HDAC9: variants seen among roughly 807,000 people sequenced by gnomAD.
The protein encoded by HDAC9 is histone deacetylase 9, also known as MEF-2 interacting transcription repressor (MITR) protein.
HDAC9 carries 41 observed loss-of-function variants against 139.4 expected under a neutral mutation model. The ratio of observed to expected loss-of-function variants is 0.29; its 90% CI spans 0.23 to 0.38. The LOEUF is 0.38. Ranked by LOEUF, HDAC9 falls within the 10% of genes least tolerant of loss-of-function variation. The pLI, the probability that HDAC9 is intolerant of heterozygous loss-of-function variation, is 1.00. For missense variants in HDAC9, 1,147 were observed against 1,297.0 expected (o/e 0.88, Z 1.78); for synonymous variants, 517 against 476.2 (o/e 1.09, Z -1.12).
In HDAC9 at chr7:18,518,385, T is replaced by C. The variant is rs561688733; in HGVS notation, c.22+22061T>C. 2.0e-5 allele frequency among the ~76,000 whole-genome samples: 3 copies of C among 152,330 alleles called. No individual in the cohort carries two copies. In the South Asian group the frequency reaches 6.2e-4, roughly 32 times the overall value. On this transcript the variant is annotated intron_variant, in intron 2 of 25. Transcript: ENST00000686413. The stretch of plus-strand genomic sequence containing the variant: ...ACAAATATATTTGTGTACATATGCA[T>C]TTTTGGGGAGAGACTGTCAATTCCA...
chr7:18,544,261 G>T (rs1269050013), intron 2 of HDAC9, among the ~76,000 whole-genome samples: 2 of 152,162 alleles, frequency 1.3e-5, no homozygotes, highest in Non-Finnish European at 2.9e-5. Flanking sequence ...AGATCTCATA[G>T]GTTTGGTATA....
intron 2 of HDAC9, among the ~76,000 whole-genome samples, chr7:18,533,622 A>G (rs1809814496): frequency 6.6e-6 from 1 of 152,112 alleles, no homozygotes; most frequent in Non-Finnish European, 1.5e-5. Flanking sequence ...CTGTGGTTCT[A>G]AAATTGTATA....
Position 18,350,235 on chromosome 7 carries a change from T to C in HDAC9, c.-42+59720T>C, listed in dbSNP as rs536399930. Among the ~76,000 whole-genome samples the C allele has an allele frequency of 6.6e-5, 10 of 152,292 alleles. No homozygotes were observed. The South Asian group carries it at 2.1e-3, about 32-fold the overall frequency. On this transcript the variant is annotated intron_variant, in intron 1 of 3. Transcript: ENST00000413509. ...TCTGAAAACATCATTTCATTGACTC[T>C]CAAGTAATGTTAATGCCAAGTTTTG...
chr7:18,614,560 T>C (rs1482680055), intron 6 of HDAC9, among the ~76,000 whole-genome samples: 1 of 152,150 alleles, frequency 6.6e-6, no homozygotes, highest in Non-Finnish European at 1.5e-5. Flanking sequence ...GCTTGGTAAA[T>C]ATTTGTTGAA....
At chr7:18,192,125 G>C (rs2529750) in intron 2 of HDAC9, among the ~76,000 whole-genome samples, 2 of 151,926 alleles carry the variant, frequency 1.3e-5, no homozygotes, top group Admixed American at 1.3e-4. Flanking sequence ...GCCGGGGGGC[G>C]GGGGGGTGTC....
intron 12 of HDAC9, among the ~76,000 whole-genome samples, chr7:18,706,352 C>T (rs1330024826): frequency 6.6e-6 from 1 of 151,868 alleles, no homozygotes; most frequent in African/African-American, 2.4e-5. Flanking sequence ...CAATACCTAC[C>T]ATGGATCAAG....
intron 22 of HDAC9, among the ~76,000 whole-genome samples, chr7:18,916,022 GAA>G (rs55866735): frequency 0.55 from 75,353 of 138,058 alleles, 20,563 homozygotes; most frequent in African/African-American, 0.64. Context: ...CCCCCCGCTG[GAA>G]AAAAAAAAAA....
chr7:18,431,149 A>G (rs1273303416), intron 1 of HDAC9, among the ~76,000 whole-genome samples: 1 of 152,142 alleles, frequency 6.6e-6, no homozygotes, highest in African/African-American at 2.4e-5. Flanking sequence ...ACTGTTCCAT[A>G]CAGTTTCTAT....
chr7:18,824,845 G>A (rs1240650860), intron 17 of HDAC9, among the ~76,000 whole-genome samples: 2 of 152,118 alleles, frequency 1.3e-5, no homozygotes, highest in African/African-American at 4.8e-5. Context: ...AATTCAAAAG[G>A]CAGGAATTCA....
At chr7:18,852,904 T>C (rs981304852) in intron 21 of HDAC9, among the ~76,000 whole-genome samples, 2 of 152,030 alleles carry the variant, frequency 1.3e-5, no homozygotes, top group Middle Eastern at 6.8e-3. Flanking sequence ...TTTAAAAATA[T>C]ATATAAGAAG....
chr7:18,458,530 G>T (rs536848899), intron 1 of HDAC9, among the ~76,000 whole-genome samples: 1 of 152,152 alleles, frequency 6.6e-6, no homozygotes, highest in Non-Finnish European at 1.5e-5. Flanking sequence ...GTCCTTTTAA[G>T]TACTGGATAA....
At chr7:18,238,300 A>G (rs1584784407) in intron 2 of HDAC9, among the ~76,000 whole-genome samples, 1 of 152,206 alleles carries the variant, frequency 6.6e-6, no homozygotes. Context: ...TCTCTAATTT[A>G]TAGATAAGTA....
chr7:18,230,124 A>G (rs973734181), intron 2 of HDAC9, among the ~76,000 whole-genome samples: 4 of 152,200 alleles, frequency 2.6e-5, no homozygotes, highest in Non-Finnish European at 4.4e-5. Flanking sequence ...ATACTGAGAA[A>G]AACATAGGAT....
intron 21 of HDAC9, among the ~76,000 whole-genome samples, chr7:18,852,054 G>T (rs1401862749): frequency 1.3e-5 from 2 of 152,186 alleles, no homozygotes; most frequent in African/African-American, 2.4e-5. Context: ...GTGCAGAAAT[G>T]GTACACCTCT....
intron 17 of HDAC9, among the ~76,000 whole-genome samples, chr7:18,828,047 G>A (rs942255282): frequency 6.6e-6 from 1 of 152,008 alleles, no homozygotes; most frequent in Admixed American, 6.6e-5. Context: ...GTTTATTAGT[G>A]TATTATTATA....
At chr7:18,979,145 G>A (rs543988433) in intron 25 of HDAC9, among the ~76,000 whole-genome samples, 115 of 152,182 alleles carry the variant, frequency 7.6e-4, no homozygotes, top group Non-Finnish European at 1.4e-3. Flanking sequence ...ACAGAAACAT[G>A]AGAAAACATA....
intron 19 of HDAC9, among the ~76,000 whole-genome samples, chr7:18,834,959 A>C (rs529240458): frequency 6.6e-6 from 1 of 152,176 alleles, no homozygotes; most frequent in South Asian, 2.1e-4. Flanking sequence ...TAAGCCATAG[A>C]TCCTTCTGCA....
chr7:18,525,953 C>A (rs1806742844), intron 2 of HDAC9, among the ~76,000 whole-genome samples: 1 of 152,170 alleles, frequency 6.6e-6, no homozygotes. Context: ...ATTCTCTCAC[C>A]ACCAAAGACA....
intron 24 of HDAC9, among the ~76,000 whole-genome samples, chr7:18,963,684 A>G (rs548353869): frequency 2.0e-4 from 30 of 152,312 alleles, no homozygotes; most frequent in African/African-American, 5.3e-4. Context: ...ATAAACTCCT[A>G]TGGATAAAGA....
Sources: gnomAD v4.1 joint callset for allele counts (sites outside exome capture counted in the v4.1 genomes callset) on GRCh38, gnomAD v4.1.1 for gene constraint, MANE v1.5 for transcripts, NCBI Gene and HGNC (gene_info 2026-07-23, HGNC 2026-07-21) for gene names.